The following EXOC6B variants were observed in gnomAD, a reference collection of about 807,000 sequenced individuals.
EXOC6B encodes the protein exocyst complex component 6B.
EXOC6B carries 54 observed loss-of-function variants against 113.5 expected under a neutral mutation model. That is an observed-to-expected ratio of 0.48 (90% confidence interval 0.38 to 0.60). EXOC6B has a LOEUF of 0.60. EXOC6B is among the 20% of genes least tolerant of loss of function. The pLI is 0.00. For synonymous variants in EXOC6B, 357 were observed against 339.0 expected (o/e 1.05, Z -0.58); for missense variants, 797 against 977.5 (o/e 0.82, Z 2.46).
chr2:72,275,486 A>G (rs2104646614), intron 20 of EXOC6B, among the ~76,000 whole-genome samples: 1 of 152,288 alleles, frequency 6.6e-6, no homozygotes, highest in Non-Finnish European at 1.5e-5. Context: ...CACTTCAGAA[A>G]TCAATTCACA....
chr2:72,205,245 G>C (rs748998752), intron 20 of EXOC6B, among the ~76,000 whole-genome samples: 4 of 152,164 alleles, frequency 2.6e-5, no homozygotes, highest in Non-Finnish European at 5.9e-5. Flanking sequence ...CATTTAAACA[G>C]AGACTGGATA....
intron 20 of EXOC6B, among the ~76,000 whole-genome samples, chr2:72,276,097 A>G (rs2104649154): frequency 6.6e-6 from 1 of 151,940 alleles, no homozygotes; most frequent in South Asian, 2.1e-4. Context: ...ACAACACCTG[A>G]CCTCTGGAGT....
intron 21 of EXOC6B, among the ~76,000 whole-genome samples, chr2:72,183,415 C>T (rs1678216581): frequency 1.3e-5 from 2 of 152,188 alleles, no homozygotes; most frequent in East Asian, 1.9e-4. Context: ...CCTGAGATTT[C>T]CTGGAGCTGC....
chr2:72,190,298 C>A (rs1484412350), intron 20 of EXOC6B, among the ~76,000 whole-genome samples: 3 of 152,154 alleles, frequency 2.0e-5, no homozygotes, highest in African/African-American at 7.2e-5. Context: ...CCAGAAAGTA[C>A]TGATTTCTAA....
At chr2:72,699,570 T>C (rs1351752057) in intron 6 of EXOC6B, among the ~76,000 whole-genome samples, 1 of 152,168 alleles carries the variant, frequency 6.6e-6, no homozygotes, top group African/African-American at 2.4e-5. Context: ...GCCATATGTT[T>C]AGTAGACTAA....
intron 6 of EXOC6B, among the ~76,000 whole-genome samples, chr2:72,709,389 T>G (rs1474765637): frequency 1.3e-5 from 2 of 152,038 alleles, no homozygotes; most frequent in African/African-American, 2.4e-5. Flanking sequence ...ATCCCCCAGG[T>G]TGGAGGGCAC....
chr2:72,399,255 C>T (rs1038245323), intron 18 of EXOC6B, among the ~76,000 whole-genome samples: 41 of 151,966 alleles, frequency 2.7e-4, no homozygotes, highest in African/African-American at 9.4e-4. Context: ...AGAAACATAC[C>T]TCAAAATAAT....
At chr2:72,192,060 G>A (rs1486010238) in intron 20 of EXOC6B, among the ~76,000 whole-genome samples, 1 of 152,114 alleles carries the variant, frequency 6.6e-6, no homozygotes, top group Non-Finnish European at 1.5e-5. Context: ...TTCATATCAT[G>A]CCTATTCATG....
At chr2:72,813,317 G>C (rs986488163) in intron 1 of EXOC6B, among the ~76,000 whole-genome samples, 6 of 152,114 alleles carry the variant, frequency 3.9e-5, no homozygotes, top group Admixed American at 3.9e-4. Flanking sequence ...TCAAACTCCT[G>C]GGCTCAAGTG....
chr2:72,212,426 T>C (rs1462766060), intron 20 of EXOC6B, among the ~76,000 whole-genome samples: 3 of 152,052 alleles, frequency 2.0e-5, no homozygotes, highest in African/African-American at 7.2e-5. Context: ...AATAGCCCTA[T>C]AAAAGAGGAC....
chr2:72,608,432 A>C (rs960370543), intron 6 of EXOC6B, among the ~76,000 whole-genome samples: 5 of 152,132 alleles, frequency 3.3e-5, no homozygotes, highest in African/African-American at 1.2e-4. Context: ...TAAGCTAAAG[A>C]CCATTTATTT....
chr2:72,440,449 A>T (rs1488029742), intron 18 of EXOC6B, among the ~76,000 whole-genome samples: 1 of 152,208 alleles, frequency 6.6e-6, no homozygotes, highest in Non-Finnish European at 1.5e-5. Flanking sequence ...TAAGTGAAGG[A>T]GAAATAAGAC....
At chr2:72,581,707 G>A (rs1341203442) in intron 6 of EXOC6B, among the ~76,000 whole-genome samples, 1 of 152,164 alleles carries the variant, frequency 6.6e-6, no homozygotes, top group African/African-American at 2.4e-5. Flanking sequence ...GGCCAAGGCA[G>A]AGAACTTGGG....
chr2:72,809,795 G>A (rs1157748488), intron 1 of EXOC6B, among the ~76,000 whole-genome samples: 6 of 152,050 alleles, frequency 3.9e-5, no homozygotes, highest in African/African-American at 2.4e-5. Flanking sequence ...ATTATACATA[G>A]GGACTTCACC....
At chr2:72,187,521 G>T (rs1678516614) in intron 20 of EXOC6B, among the ~76,000 whole-genome samples, 1 of 152,002 alleles carries the variant, frequency 6.6e-6, no homozygotes, top group Non-Finnish European at 1.5e-5. Flanking sequence ...CAGTAGCCAG[G>T]GTGTCCCGGC....
chr2:72,342,565 AG>A (rs200600824), intron 19 of EXOC6B, among the ~76,000 whole-genome samples: 8 of 152,246 alleles, frequency 5.3e-5, no homozygotes, highest in Admixed American at 2.0e-4. Flanking sequence ...GTGGAAAAAA[AG>A]AAACCCTCGT....
intron 18 of EXOC6B, among the ~76,000 whole-genome samples, chr2:72,439,611 G>T (rs189402042): frequency 6.6e-6 from 1 of 152,088 alleles, no homozygotes; most frequent in Non-Finnish European, 1.5e-5. Flanking sequence ...TTGTCTGTTC[G>T]CTCCTGCAAT....
rs1677734858 is a variant in EXOC6B at position 72,176,347 on chromosome 2, G to A, written c.*2988C>T. 1 of 152,274 alleles carries A rather than the reference G, an allele frequency of 6.6e-6. No homozygotes were observed. The highest frequency in any genetic ancestry group is 1.5e-5 in the Non-Finnish European group (1 of 68,040). 9.4% of individuals were successfully genotyped at this position (152,274 alleles called of 1,614,324 possible). A position where few individuals can be genotyped will look rare whatever the true frequency, so the allele number is the denominator to read the frequency against. ...GGAGTCCTGGGAGAAGGGAGGCTAA[G>A]GTAGGGGAATTTCTGCAGCAGTTCC... is the stretch of plus-strand genomic sequence containing the variant. On this transcript the variant is annotated 3_prime_UTR_variant, in exon 22 of 22. Transcript: ENST00000272427.
intron 8 of EXOC6B, among the ~76,000 whole-genome samples, chr2:72,543,363 C>G (rs1442243521): frequency 6.6e-6 from 1 of 152,010 alleles, no homozygotes; most frequent in Non-Finnish European, 1.5e-5. Flanking sequence ...TGAATTGTTT[C>G]TTCTTTGTCA....
Sources: allele counts gnomAD v4.1 joint callset (sites outside exome capture counted in the v4.1 genomes callset), GRCh38; gene constraint gnomAD v4.1.1; transcripts MANE v1.5; gene names NCBI Gene and HGNC (gene_info 2026-07-23, HGNC 2026-07-21).